FBN1: variants seen among roughly 807,000 people sequenced by gnomAD.
FBN1 encodes the protein fibrillin 1, also known as fibrillin-1.
In FBN1, 29 loss-of-function variants were observed where a neutral mutation model predicts 365.1. The observed-to-expected ratio is 0.08, with a 90% CI of 0.06 to 0.11. The LOEUF (loss-of-function observed/expected upper bound fraction) is 0.11. Ranked by LOEUF, FBN1 falls within the 10% of genes least tolerant of loss-of-function variation. The pLI is 1.00. For missense variants in FBN1, 2,476 were observed against 3,703.2 expected (o/e 0.67, Z 8.60); for synonymous variants, 1,210 against 1,270.5 (o/e 0.95, Z 1.01).
At chr15:48,422,632 A>T (rs2042952420) in intron 60 of FBN1, among the ~76,000 whole-genome samples, 1 of 152,218 alleles carries the variant, frequency 6.6e-6, no homozygotes, top group Non-Finnish European at 1.5e-5. Context: ...GCAAAGGAAA[A>T]ATTCATTTTA....
At chr15:48,486,194 C>A (rs1050464362) in intron 29 of FBN1, among the ~76,000 whole-genome samples, 1 of 152,202 alleles carries the variant, frequency 6.6e-6, no homozygotes, top group Non-Finnish European at 1.5e-5. Context: ...GGATGAAATT[C>A]TCTTGGCCAC....
At chr15:48,545,527 T>C (rs1297369528) in intron 6 of FBN1, among the ~76,000 whole-genome samples, 3 of 152,096 alleles carry the variant, frequency 2.0e-5, no homozygotes, top group Admixed American at 2.0e-4. Flanking sequence ...GTCAAATTCA[T>C]AGACAGCAGT....
chr15:48,444,717 A>G, intron 48 of FBN1, 57 bp from the exon 49 acceptor site: 2 of 1,599,320 alleles, frequency 1.3e-6, no homozygotes, highest in Non-Finnish European at 1.7e-6. Flanking sequence ...CTTCCATCAA[A>G]CAATTAAAAT....
intron 6 of FBN1, among the ~76,000 whole-genome samples, chr15:48,547,721 T>TCACACACACACACA (rs57915350): frequency 7.6e-6 from 1 of 131,140 alleles, no homozygotes; most frequent in Non-Finnish European, 1.7e-5. Flanking sequence ...CTTCTCTCTT[T>TCACACACACACACA]CACACACACA....
At chr15:48,569,430 T>C (rs752391421) in intron 6 of FBN1, among the ~76,000 whole-genome samples, 1 of 152,060 alleles carries the variant, frequency 6.6e-6, no homozygotes, top group Non-Finnish European at 1.5e-5. Context: ...AAAAGTTAAA[T>C]ATAAACTTGG....
intron 15 of FBN1, among the ~76,000 whole-genome samples, chr15:48,508,113 C>A (rs557222897): frequency 1.7e-4 from 26 of 152,086 alleles, no homozygotes; most frequent in Non-Finnish European, 3.1e-4. Flanking sequence ...AAAAAAATTT[C>A]TGTGTCTTAA....
At chr15:48,625,593 T>C (rs541778530) in intron 2 of FBN1, among the ~76,000 whole-genome samples, 62 of 152,228 alleles carry the variant, frequency 4.1e-4, no homozygotes, top group Middle Eastern at 6.8e-3. Flanking sequence ...CCTGGAGAGT[T>C]CTCATCCTCG....
intron 36 of FBN1, among the ~76,000 whole-genome samples, chr15:48,469,740 T>G (rs1032253921): frequency 6.6e-6 from 1 of 152,026 alleles, no homozygotes; most frequent in African/African-American, 2.4e-5. Context: ...TTGATAGTGA[T>G]CTGGGGCACG....
intron 2 of FBN1, among the ~76,000 whole-genome samples, chr15:48,618,779 C>T (rs144887116): frequency 0.012 from 1,811 of 152,248 alleles, 13 homozygotes; most frequent in Non-Finnish European, 0.019. Context: ...AACTCCACCT[C>T]CTGTCAGATC....
At chr15:48,411,756 T>C (rs1167362878) in intron 65 of FBN1, among the ~76,000 whole-genome samples, 1 of 152,242 alleles carries the variant, frequency 6.6e-6, no homozygotes, top group African/African-American at 2.4e-5. Context: ...TAACAAGACC[T>C]AGTAGGTGAT....
At chr15:48,495,752 A>G (rs2043602496) in intron 20 of FBN1, among the ~76,000 whole-genome samples, 164 bp from the exon 21 acceptor site, 1 of 152,228 alleles carries the variant, frequency 6.6e-6, no homozygotes, top group Non-Finnish European at 1.5e-5. Context: ...TAATAACTCT[A>G]TAGTATAGAC....
At chr15:48,643,300 C>T (rs1416104676) in intron 2 of FBN1, 1 of 152,204 alleles carries the variant, frequency 6.6e-6, no homozygotes, top group East Asian at 1.9e-4. Flanking sequence ...GATAAGCAAA[C>T]TTCCTTCCAA....
At chr15:48,490,128 G>A in intron 24 of FBN1, 50 bp from the exon 25 acceptor site, 1 of 1,451,784 alleles carries the variant, frequency 6.9e-7, no homozygotes. Context: ...GGCTTCCACT[G>A]CCCCAAACTG....
At chr15:48,543,712 T>C (rs1362532508) in intron 6 of FBN1, among the ~76,000 whole-genome samples, 1 of 152,140 alleles carries the variant, frequency 6.6e-6, no homozygotes, top group Non-Finnish European at 1.5e-5. Context: ...TATTTTAGAT[T>C]AAAAATCATA....
intron 6 of FBN1, among the ~76,000 whole-genome samples, chr15:48,570,718 A>T (rs2044300431): frequency 6.6e-6 from 1 of 152,248 alleles, no homozygotes; most frequent in Non-Finnish European, 1.5e-5. Context: ...TTAAAACAAA[A>T]GAGCAATGTT....
At chr15:48,532,490 G>GTGTA (rs146251396) in intron 8 of FBN1, among the ~76,000 whole-genome samples, 3 of 149,116 alleles carry the variant, frequency 2.0e-5, no homozygotes, top group East Asian at 4.4e-4. Context: ...GTGTGTGTGT[G>GTGTA]TATATATATA....
chr15:48,412,655 C>A lies in FBN1; in HGVS notation c.8140G>T (p.Ala2714Ser), dbSNP rs766170041. Reference protein sequence around the residue: ...EMDDNSLSPEACYECKINGYP... With the variant: ...EMDDNSLSPESCYECKINGYP... Reference sequence around the variant, plus strand: ...CCATTGATCTTACACTCGTAACAAGCCTCTGGGGAGAGTGAATTGTCATCC... The same window carrying A: ...CCATTGATCTTACACTCGTAACAAGACTCTGGGGAGAGTGAATTGTCATCC... The change falls in exon 65 of 66, where the codon GCT (alanine) becomes TCT (serine). Residue 2714 changes from alanine (A) to serine (S), a missense_variant. Around this residue, in one of 5 missense-constraint regions of FBN1, gnomAD observed 177 missense variants for 192.7 expected, o/e 0.92. Transcript: ENST00000316623. 4 of 1,614,144 alleles carry A rather than the reference C, an allele frequency of 2.5e-6. No homozygotes were observed. The highest frequency in any genetic ancestry group is 2.2e-5 in the East Asian group (1 of 44,900).
chr15:48,525,690 T>A (rs912322237), intron 9 of FBN1, among the ~76,000 whole-genome samples: 5 of 152,186 alleles, frequency 3.3e-5, no homozygotes, highest in Non-Finnish European at 7.3e-5. Flanking sequence ...ATCGAAGCAC[T>A]ATTTTAGGAA....
In FBN1 at chr15:48,452,647, G is replaced by A; in HGVS notation, c.5460C>T (p.Arg1820=). 1 of 1,614,168 alleles carries A rather than the reference G, an allele frequency of 6.2e-7. No homozygotes were observed. The highest frequency in any genetic ancestry group is 8.5e-7 in the Non-Finnish European group (1 of 1,179,966). The part of the protein sequence containing the change: ...DECQNGPVCQ[R]NAECINTAGS... ...CTGCAGTGTTGATGCATTCGGCGTT[G>A]CGCTGGCACACTGGGCCGTTCTGAC... The change falls in exon 45 of 66, where the codon CGC becomes CGT. Residue 1820 remains arginine, a synonymous_variant. Transcript: ENST00000316623.
Sources: gnomAD v4.1 joint callset for allele counts (sites outside exome capture counted in the v4.1 genomes callset) on GRCh38, gnomAD v4.1.1 for gene constraint, gnomAD v4.1.1 regional missense constraint, MANE v1.5 for transcripts, NCBI Gene and HGNC (gene_info 2026-07-23, HGNC 2026-07-21) for gene names.